GRK7: variants seen among roughly 807,000 people sequenced by gnomAD.
GRK7 encodes rhodopsin kinase GRK7.
In GRK7, 24 loss-of-function variants were observed where a neutral mutation model predicts 34.1. The observed-to-expected ratio is 0.70, with a 90% CI of 0.51 to 0.99. The LOEUF is 0.99. Among genes scored for constraint, GRK7 ranks in the 50% least tolerant of loss-of-function variants. The pLI is 0.00. For missense variants in GRK7, 644 were observed against 707.3 expected (o/e 0.91, Z 1.02); for synonymous variants, 256 against 279.4 (o/e 0.92, Z 0.84).
chr3:141,780,665 T>C lies in GRK7; in HGVS notation c.904T>C (p.Cys302Arg). ...GATCTTTTACTCGGCCCAGATAGCC[T>C]GTGGGATGCTGCACCTCCATGAACT... ...RVIFYSAQIACGMLHLHELGI... is the reference protein window; with the variant it reads ...RVIFYSAQIARGMLHLHELGI... Residue 302 changes from cysteine to arginine, a missense_variant, in exon 4 of 6, where the codon TGT becomes CGT. By Grantham distance (180) the Cys-to-Arg change is radical (BLOSUM62 -3). Coordinates refer to ENST00000682958, the MANE Select transcript of GRK7 (RefSeq NM_139209.3). 6.2e-7 allele frequency: 1 copy of C among 1,614,198 alleles called. No individual in the cohort carries two copies. The highest frequency in any genetic ancestry group is 2.2e-5 in the East Asian group (1 of 44,878).
intron 1 of GRK7, among the ~76,000 whole-genome samples, chr3:141,768,735 T>C (rs1281932758): frequency 6.6e-6 from 1 of 152,008 alleles, no homozygotes; most frequent in Non-Finnish European, 1.5e-5. Context: ...TCCTCAATCC[T>C]CTCCAGTCAG....
At chr3:141,779,409 C>CAAAAAAAAAAAAAAAAAAAAAAAAA (rs10626329) in intron 3 of GRK7, among the ~76,000 whole-genome samples, 1 of 96,516 alleles carries the variant, frequency 1.0e-5, no homozygotes. Flanking sequence ...GAGCAAGACT[C>CAAAAAAAAAAAAAAAAAAAAAAAAA]AAAAAAAAAA....
chr3:141,772,901 G>A (rs2084622839), intron 1 of GRK7, among the ~76,000 whole-genome samples: 1 of 152,090 alleles, frequency 6.6e-6, no homozygotes, highest in Non-Finnish European at 1.5e-5. Flanking sequence ...GGGAGGCTGA[G>A]GCGGGCAGAT....
chr3:141,780,314 C>T, intron 3 of GRK7, 60 bp from the exon 4 acceptor site: 1 of 1,394,214 alleles, frequency 7.2e-7, no homozygotes. Flanking sequence ...TTTATCATCT[C>T]CACCTCTCTG....
At chr3:141,798,216 T>C (rs906815650) in intron 4 of GRK7, among the ~76,000 whole-genome samples, 4 of 152,194 alleles carry the variant, frequency 2.6e-5, no homozygotes, top group Non-Finnish European at 4.4e-5. Flanking sequence ...CAGGTGGCCC[T>C]GATGGGACTA....
Position 141,780,652 on chromosome 3 carries a change from G to C in GRK7, c.891G>C (p.Ser297=). The C allele has an allele frequency of 1.2e-6, 2 of 1,614,168 alleles. No individual in the cohort carries two copies. The highest frequency in any genetic ancestry group is 2.2e-5 in the South Asian group (2 of 91,084). The change falls in exon 4 of 6, where the codon TCG becomes TCC. Residue 297 remains serine (S), a synonymous_variant. Transcript: ENST00000682958. ...GLDMSRVIFY[S]AQIACGMLHL... ...ACATGAGCCGGGTGATCTTTTACTC[G>C]GCCCAGATAGCCTGTGGGATGCTGC...
rs2084577977 is a variant in GRK7 at position 141,765,758 on chromosome 3, G to T, written c.-215+20G>T. 6.6e-6 allele frequency among the ~76,000 whole-genome samples: 1 copy of T among 152,150 alleles called. No homozygotes were observed. Among genetic ancestry groups the T allele is most frequent in the Non-Finnish European group, 1.5e-5 (1 of 68,036 alleles). ...GTCCAGGTGAGACCAGCAAAGAGCT[G>T]CCCAATCAAAGCAAATCTGTATATT... On this transcript the variant is annotated intron_variant, in intron 1 of 5. Transcript: ENST00000682958.
chr3:141,756,330 G>C, the GRK7 span, among the ~76,000 whole-genome samples: 1 of 97,042 alleles, frequency 1.0e-5, no homozygotes, highest in Non-Finnish European at 2.1e-5. Context: ...AAAAAAAGGT[G>C]GGGGGGTGAA....
chr3:141,769,605 T>C (rs2084606733), intron 1 of GRK7, among the ~76,000 whole-genome samples: 1 of 152,250 alleles, frequency 6.6e-6, no homozygotes, highest in African/African-American at 2.4e-5. Flanking sequence ...TCTCTGACTT[T>C]GGCCTTCTCT....
At position 141,807,693 on chromosome 3, in the gene GRK7, A is replaced by G. The variant is rs201809353; in HGVS notation, c.1099A>G (p.Ser367Gly). 8.1e-5 allele frequency: 131 copies of G among 1,614,190 alleles called. 2 individuals carry two copies. In the Admixed American group the frequency reaches 1.3e-3, roughly 16 times the overall value. ...TCCTGAGATCCTAATGGAAAAGGTA[A>G]GTTATTCCTATCCTGTGGACTGGTT... ...MAPEILMEKV[S>G]YSYPVDWFAM... The change falls in exon 5 of 6, where the codon AGT becomes GGT. Residue 367 changes from serine to glycine, a missense_variant. Ser to Gly is a moderately conservative substitution (Grantham distance 56, BLOSUM62 0). Coordinates refer to ENST00000682958, the MANE Select transcript of GRK7 (RefSeq NM_139209.3).
intron 4 of GRK7, among the ~76,000 whole-genome samples, chr3:141,786,970 A>G (rs898093421): frequency 2.0e-5 from 3 of 152,090 alleles, no homozygotes; most frequent in African/African-American, 7.2e-5. Flanking sequence ...CAAGGTGTGT[A>G]GGTGGACTCT....
chr3:141,754,182 AGAAGTCCAGGGGTAG>A, the GRK7 span, among the ~76,000 whole-genome samples: 1 of 152,194 alleles, frequency 6.6e-6, no homozygotes, highest in African/African-American at 2.4e-5. Context: ...CTGCACAATA[AGAAGTCCAGGGGTAG>A]GAAGTCCAGG....
chr3:141,815,231 T>TTTTG (rs10576210), intron 5 of GRK7, among the ~76,000 whole-genome samples: 4,620 of 148,340 alleles, frequency 0.031, 232 homozygotes, highest in African/African-American at 0.11. Flanking sequence ...GGTTGGTTTT[T>TTTTG]TTTGTTTGTT....
At chr3:141,795,980 G>A (rs1710865751) in intron 4 of GRK7, among the ~76,000 whole-genome samples, 1 of 152,158 alleles carries the variant, frequency 6.6e-6, no homozygotes, top group Admixed American at 6.5e-5. Context: ...ACAGTTCAGG[G>A]ACCTAATGGT....
chr3:141,753,885 T>C, the GRK7 span, among the ~76,000 whole-genome samples: 4 of 152,238 alleles, frequency 2.6e-5, no homozygotes, highest in East Asian at 5.8e-4. Context: ...CTAACATTTA[T>C]CAATAGTTTC....
At chr3:141,769,314 T>A (rs760262554) in intron 1 of GRK7, among the ~76,000 whole-genome samples, 7 of 152,334 alleles carry the variant, frequency 4.6e-5, no homozygotes, top group Non-Finnish European at 1.0e-4. Context: ...TATTTTGCCT[T>A]CTGAATAGCT....
intron 1 of GRK7, among the ~76,000 whole-genome samples, chr3:141,766,920 T>C (rs1293864399): frequency 6.6e-6 from 1 of 152,254 alleles, no homozygotes; most frequent in Non-Finnish European, 1.5e-5. Flanking sequence ...TCAGGAAGTA[T>C]TTTCTATTTC....
chr3:141,789,157 G>A (rs913494821), intron 4 of GRK7, among the ~76,000 whole-genome samples: 4 of 152,168 alleles, frequency 2.6e-5, no homozygotes, highest in African/African-American at 9.7e-5. Flanking sequence ...AACAGATAGA[G>A]TAGGTTACTG....
intron 4 of GRK7, among the ~76,000 whole-genome samples, chr3:141,801,148 A>G (rs2107889943): frequency 6.6e-6 from 1 of 151,892 alleles, no homozygotes; most frequent in South Asian, 2.1e-4. Flanking sequence ...GTCTCTACTA[A>G]AAAATACAAA....
Sources: gnomAD v4.1 joint callset for allele counts (sites outside exome capture counted in the v4.1 genomes callset) on GRCh38, gnomAD v4.1.1 for gene constraint, MANE v1.5 for transcripts, NCBI Gene and HGNC (gene_info 2026-07-23, HGNC 2026-07-21) for gene names.